The following COL27A1 variants were observed in gnomAD, a reference collection of about 807,000 sequenced individuals.
COL27A1 encodes collagen type XXVII alpha 1 chain, also known as collagen alpha-1(XXVII) chain.
Under a neutral mutation model 251.3 loss-of-function variants are expected in COL27A1, and 106 were observed. The observed-to-expected ratio is 0.42, with a 90% confidence interval of 0.36 to 0.50. The LOEUF (loss-of-function observed/expected upper bound fraction) is 0.50. COL27A1 is among the 20% of genes least tolerant of loss of function. The pLI, the probability that COL27A1 is intolerant of heterozygous loss-of-function variation, is 0.00. For missense variants in COL27A1, 2,325 were observed against 2,522.8 expected, an observed-to-expected ratio of 0.92 and a Z score of 1.68; for synonymous variants, 1,000 against 986.3, an observed-to-expected ratio of 1.01 and a Z score of -0.26.
At chr9:114,279,133 G>A (rs1053535235) in intron 37 of COL27A1, among the ~76,000 whole-genome samples, 1 of 152,164 alleles carries the variant, frequency 6.6e-6, no homozygotes, top group Non-Finnish European at 1.5e-5. Flanking sequence ...TCAGTGCACT[G>A]GAAAATGCCA....
intron 56 of COL27A1, among the ~76,000 whole-genome samples, chr9:114,302,717 CAAA>C (rs1227081020): frequency 1.3e-5 from 1 of 77,272 alleles, no homozygotes. Flanking sequence ...CAAAAAGAAA[CAAA>C]AAAAACAAAA....
rs1827869939 is a variant in COL27A1 at position 114,290,960 on chromosome 9, T to G, written c.4476+43T>G. 2 of 1,430,420 alleles carry G rather than the reference T, an allele frequency of 1.4e-6. No homozygotes were observed. 88.6% of individuals were successfully genotyped at this position (1,430,420 alleles called of 1,614,324 possible). A position where few individuals can be genotyped will look rare whatever the true frequency, so the allele number is the denominator to read the frequency against. ...ACACTTACCCACCCTCTGCCCTTTC[T>G]GCCTTGATGCAGACTCTAGTGGTTC... is the stretch of plus-strand genomic sequence containing the variant. On this transcript the variant is annotated intron_variant, in intron 48 of 60. Transcript: ENST00000356083. The surrounding 1 kb of genome is among the most constrained non-coding windows in gnomAD (Gnocchi z 4.6).
rs2131663858 is a variant in COL27A1 at position 114,301,335 on chromosome 9, G to A, written c.4791+16G>A. ...TGGGGACTGGGTAAGTGGATGGGCT[G>A]GGGCTGAGGGATGCAGCACTGCAGG... is the stretch of plus-strand genomic sequence containing the variant. On this transcript the variant is annotated intron_variant, in intron 53 of 60. Coordinates refer to ENST00000356083, the MANE Select transcript of COL27A1 (RefSeq NM_032888.4). 6.2e-7 allele frequency: 1 copy of A among 1,613,262 alleles called. No homozygotes were observed. The highest frequency in any genetic ancestry group is 8.5e-7 in the Non-Finnish European group (1 of 1,179,690).
Position 114,245,167 on chromosome 9 carries a change from T to G in COL27A1, c.2935-699T>G, listed in dbSNP as rs1259745231. Among the ~76,000 whole-genome samples the G allele has an allele frequency of 7.5e-4, 107 of 142,796 alleles. 1 individual carries two copies. The highest frequency in any genetic ancestry group is 2.7e-3 in the African/African-American group (101 of 37,536). 93.7% of individuals were successfully genotyped at this position (142,796 alleles called of 152,430 possible). ...ATTCTTGTTTTTTTTTTTTTTTTTT[T>G]TTTTTTTTTGACAGTCTCGCTCTTG... On this transcript the variant is annotated intron_variant, in intron 23 of 60. Coordinates refer to ENST00000356083, the MANE Select transcript of COL27A1 (RefSeq NM_032888.4).
chr9:114,282,337 G>A lies in COL27A1; in HGVS notation c.3771+7G>A, dbSNP rs760939035. 1 of 1,613,978 alleles carries A rather than the reference G, an allele frequency of 6.2e-7. No individual in the cohort carries two copies. The highest frequency in any genetic ancestry group is 1.1e-5 in the South Asian group (1 of 91,082). On this transcript the variant is annotated splice_region_variant and intron_variant, in intron 38 of 60. Coordinates refer to ENST00000356083, the MANE Select transcript of COL27A1 (RefSeq NM_032888.4). Reference sequence around the variant, plus strand: ...GGGCCGCACTGGAGCCAAGGTAGGTGTCCCCTTCTGACTTGATAGGCCTGC... The same window carrying A: ...GGGCCGCACTGGAGCCAAGGTAGGTATCCCCTTCTGACTTGATAGGCCTGC...
chr9:114,181,040 C>G (rs914180765), intron 4 of COL27A1, among the ~76,000 whole-genome samples: 5 of 152,178 alleles, frequency 3.3e-5, no homozygotes, highest in African/African-American at 1.2e-4. Flanking sequence ...CTGTCCAATT[C>G]CCACTGAGCT....
At chr9:114,189,586 C>T (rs1050195705) in intron 5 of COL27A1, among the ~76,000 whole-genome samples, 3 of 151,980 alleles carry the variant, frequency 2.0e-5, no homozygotes, top group African/African-American at 2.4e-5. Context: ...GAAGAATTGC[C>T]GTCTTTAAAA....
At chr9:114,304,005 T>G (rs957843239) in intron 56 of COL27A1, among the ~76,000 whole-genome samples, 7 of 152,240 alleles carry the variant, frequency 4.6e-5, no homozygotes, top group African/African-American at 1.7e-4. Flanking sequence ...TGCATAATTC[T>G]TTGCTGTGAG....
At chr9:114,204,330 A>T (rs1047255560) in intron 7 of COL27A1, among the ~76,000 whole-genome samples, 2 of 152,198 alleles carry the variant, frequency 1.3e-5, no homozygotes, top group African/African-American at 2.4e-5. Context: ...ATCTGATGGA[A>T]GCTTGAAGTC....
intron 25 of COL27A1, among the ~76,000 whole-genome samples, chr9:114,251,044 C>T (rs2135524532): frequency 6.6e-6 from 1 of 152,260 alleles, no homozygotes; most frequent in South Asian, 2.1e-4. Flanking sequence ...GATGAGATAA[C>T]AGAGGCTCAA....
chr9:114,231,189 C>T, intron 15 of COL27A1, 57 bp downstream of exon 15: 1 of 1,503,358 alleles, frequency 6.7e-7, no homozygotes. Flanking sequence ...ACCCCCGACC[C>T]ATTTCAGCCC....
At chr9:114,178,790 A>G (rs1827673550) in intron 4 of COL27A1, among the ~76,000 whole-genome samples, 1 of 152,098 alleles carries the variant, frequency 6.6e-6, no homozygotes, top group South Asian at 2.1e-4. Context: ...CTCCTGCTGG[A>G]GAGAGGCTGG....
chr9:114,206,413 A>G, intron 10 of COL27A1, 117 bp downstream of exon 10: 3 of 1,023,862 alleles, frequency 2.9e-6, no homozygotes, highest in Non-Finnish European at 4.5e-6. Flanking sequence ...CTCCCACTTG[A>G]GTGCTCCCGG....
At chr9:114,176,210 C>T (rs964815930) in intron 3 of COL27A1, among the ~76,000 whole-genome samples, 2 of 152,088 alleles carry the variant, frequency 1.3e-5, no homozygotes, top group Non-Finnish European at 2.9e-5. Flanking sequence ...TTCGTCTCAG[C>T]CCCCTGCTTT....
intron 12 of COL27A1, among the ~76,000 whole-genome samples, chr9:114,217,418 G>T (rs896994783): frequency 6.6e-6 from 1 of 151,956 alleles, no homozygotes; most frequent in Non-Finnish European, 1.5e-5. Context: ...GACTGTCTTG[G>T]GGCAGGCTGG....
At position 114,235,735 on chromosome 9, in the gene COL27A1, A is replaced by C. The variant is rs1204585243; in HGVS notation, c.2619+83A>C. The C allele has an allele frequency of 4.7e-6, 5 of 1,053,144 alleles. No homozygotes were observed. In the African/African-American group the frequency reaches 6.3e-5, roughly 13 times the overall value. The allele number at this position is 1,053,144 out of a possible 1,614,324, so 65.2% of individuals were successfully genotyped here. ...GGTCTTGGCTTCCTTCCTAGGGTCC[A>C]TCATGAGCAAGGACCCACCTGTAAG... On this transcript the variant is annotated intron_variant, in intron 17 of 60. Transcript: ENST00000356083.
At position 114,300,705 on chromosome 9, in the gene COL27A1, T is replaced by C; in HGVS notation, c.4701+18T>C. 1 of 1,493,444 alleles carries C rather than the reference T, an allele frequency of 6.7e-7. No homozygotes were observed. Among genetic ancestry groups the C allele is most frequent in the African/African-American group, 1.4e-5 (1 of 69,560 alleles). 92.5% of individuals were successfully genotyped at this position (1,493,444 alleles called of 1,614,324 possible). A position where few individuals can be genotyped will look rare whatever the true frequency, so the allele number is the denominator to read the frequency against. Reference sequence around the variant, plus strand: ...GCTTGATGGTGAGTTCCCTCCCTGCTGTCGGAGCAGAGATGATTGTCCTAG... The same window carrying C: ...GCTTGATGGTGAGTTCCCTCCCTGCCGTCGGAGCAGAGATGATTGTCCTAG... On this transcript the variant is annotated intron_variant, in intron 51 of 60. Transcript: ENST00000356083.
intron 19 of COL27A1, among the ~76,000 whole-genome samples, chr9:114,238,523 G>A (rs1200133121): frequency 1.3e-5 from 2 of 152,194 alleles, no homozygotes; most frequent in Non-Finnish European, 2.9e-5. Context: ...ACAAAAGTGT[G>A]GCTCTGTGGA....
Position 114,306,229 on chromosome 9 carries a change from C to T in COL27A1, c.4939-291C>T, listed in dbSNP as rs1457515148. On this transcript the variant is annotated intron_variant, in intron 57 of 60. Transcript: ENST00000356083. Reference sequence around the variant, plus strand: ...GATTGGGCCGCTGCCGAGTGTCCCACGCACCCTCGCCTACCTCATTCACGG... The same window carrying T: ...GATTGGGCCGCTGCCGAGTGTCCCATGCACCCTCGCCTACCTCATTCACGG... 3.8e-5 allele frequency: 11 copies of T among 290,570 alleles called. 1 individual carries two copies. The Admixed American group carries it at 3.9e-4, about 10-fold the overall frequency. 18.0% of individuals were successfully genotyped at this position (290,570 alleles called of 1,614,324 possible).
Sources: allele counts gnomAD v4.1 joint callset (sites outside exome capture counted in the v4.1 genomes callset), GRCh38; gene constraint gnomAD v4.1.1; non-coding constraint Gnocchi (gnomAD v3.1); transcripts MANE v1.5; gene names NCBI Gene and HGNC (gene_info 2026-07-23, HGNC 2026-07-21).